Variants in PRKDC observed in about 807,000 individuals in gnomAD.
The protein encoded by PRKDC is DNA-dependent protein kinase catalytic subunit.
A neutral mutation model predicts 486.9 loss-of-function variants in PRKDC; 82 were observed. The observed-to-expected ratio is 0.17, with a 90% CI of 0.14 to 0.20. The LOEUF (loss-of-function observed/expected upper bound fraction) is 0.20, where lower values mean the gene tolerates loss of function less well. Among genes scored for constraint, PRKDC ranks in the 10% least tolerant of loss-of-function variants. The probability of loss-of-function intolerance (pLI) is 1.00; values close to 1 mark genes in which losing one functional copy is unlikely to be tolerated. For synonymous variants in PRKDC, 1,895 were observed against 1,837.0 expected, an observed-to-expected ratio of 1.03 and a Z score of -0.81; for missense variants, 4,504 against 5,038.2, an observed-to-expected ratio of 0.89 and a Z score of 3.21.
chr8:47,879,678 T>A lies in PRKDC; in HGVS notation c.5068-20A>T, dbSNP rs1372445165. 1.3e-6 allele frequency: 2 copies of A among 1,515,754 alleles called. No homozygotes were observed. The highest frequency in any genetic ancestry group is 2.8e-5 in the African/African-American group (2 of 70,394). 93.9% of individuals were successfully genotyped at this position (1,515,754 alleles called of 1,614,324 possible). A position where few individuals can be genotyped will look rare whatever the true frequency, so the allele number is the denominator to read the frequency against. On this transcript the variant is annotated intron_variant, in intron 38 of 85. Transcript: ENST00000314191. Reference sequence around the variant, plus strand: ...TTGGCCCTGTGGAGCAAGACAGACATAAGAAACTGCACGAATTATGGCTTA... The same window carrying A: ...TTGGCCCTGTGGAGCAAGACAGACAAAAGAAACTGCACGAATTATGGCTTA...
At chr8:47,904,149 C>G (rs1480704383) in intron 26 of PRKDC, among the ~76,000 whole-genome samples, 1 of 152,208 alleles carries the variant, frequency 6.6e-6, no homozygotes, top group Non-Finnish European at 1.5e-5. Flanking sequence ...TAAGACAATG[C>G]TTCTCCGTGT....
At chr8:47,822,113 A>C (rs548671830) in intron 64 of PRKDC, among the ~76,000 whole-genome samples, 1 of 152,180 alleles carries the variant, frequency 6.6e-6, no homozygotes, top group African/African-American at 2.4e-5. Flanking sequence ...CCTACAAAAA[A>C]CGCAAAAACT....
chr8:47,821,523 G>A lies in PRKDC; in HGVS notation c.9111+81C>T, dbSNP rs1013103114. 8 of 1,396,764 alleles carry A rather than the reference G, an allele frequency of 5.7e-6. No homozygotes were observed. The African/African-American group carries it at 1.2e-4, about 20-fold the overall frequency. The allele number at this position is 1,396,764 out of a possible 1,614,324, so 86.5% of individuals were successfully genotyped here. A position where few individuals can be genotyped will look rare whatever the true frequency, so the allele number is the denominator to read the frequency against. The stretch of plus-strand genomic sequence containing the variant: ...TGCTTCACAAGTACTACCTGTTTTT[G>A]AAATGTTTTAAACAATTTTGTTAAG... On this transcript the variant is annotated intron_variant, in intron 65 of 85. Transcript: ENST00000314191.
intron 60 of PRKDC, among the ~76,000 whole-genome samples, 152 bp downstream of exon 60, chr8:47,831,662 G>T (rs554050934): frequency 6.6e-6 from 1 of 152,310 alleles, no homozygotes; most frequent in African/African-American, 2.4e-5. Context: ...GCATCCCTGT[G>T]GGGGAGCCCC....
Position 47,895,183 on chromosome 8 carries a change from G to C in PRKDC, c.3599-1796C>G, listed in dbSNP as rs185493708. On this transcript the variant is annotated intron_variant, in intron 30 of 85. Transcript: ENST00000314191. ...TCGTGTCCAGCCCGGACAACATAGT[G>C]AGACTTTGTCTCTAAAACTGAAAAG... Among the ~76,000 whole-genome samples, 22 of 152,246 alleles carry C rather than the reference G, an allele frequency of 1.4e-4. No individual in the cohort carries two copies. The East Asian group carries it at 4.1e-3, about 28-fold the overall frequency.
chr8:47,820,148 C>T (rs944702914), intron 66 of PRKDC, among the ~76,000 whole-genome samples: 1 of 152,182 alleles, frequency 6.6e-6, no homozygotes, highest in African/African-American at 2.4e-5. Context: ...AGCGTTGGCT[C>T]ACGTCTGTAA....
intron 21 of PRKDC, among the ~76,000 whole-genome samples, chr8:47,926,559 C>G (rs1270465954): frequency 6.6e-6 from 1 of 152,114 alleles, no homozygotes; most frequent in Non-Finnish European, 1.5e-5. Flanking sequence ...TTCAGTCTTT[C>G]TCCCAACAGA....
chr8:47,922,075 C>A (rs994709489), intron 21 of PRKDC, among the ~76,000 whole-genome samples: 5 of 151,916 alleles, frequency 3.3e-5, no homozygotes, highest in African/African-American at 1.2e-4. Context: ...GCCACTGCAC[C>A]CAGCCTGATT....
intron 10 of PRKDC, among the ~76,000 whole-genome samples, chr8:47,941,423 G>A (rs1042215916): frequency 6.6e-6 from 1 of 152,136 alleles, no homozygotes; most frequent in African/African-American, 2.4e-5. Flanking sequence ...GGAGCTTTGG[G>A]TCACACAGCA....
intron 4 of PRKDC, among the ~76,000 whole-genome samples, chr8:47,955,243 A>T (rs1189418769): frequency 6.6e-6 from 1 of 151,612 alleles, no homozygotes; most frequent in Non-Finnish European, 1.5e-5. Flanking sequence ...CGGGCGGATC[A>T]CGAGGTCAGG....
At chr8:47,932,696 C>T (rs2090277659) in intron 16 of PRKDC, among the ~76,000 whole-genome samples, 1 of 152,144 alleles carries the variant, frequency 6.6e-6, no homozygotes. Context: ...GTTTCCCTAT[C>T]CCATACAAAG....
chr8:47,878,408 A>G (rs1013949484), intron 39 of PRKDC, among the ~76,000 whole-genome samples: 3 of 152,016 alleles, frequency 2.0e-5, no homozygotes, highest in East Asian at 1.9e-4. Context: ...CCTAGCCCCT[A>G]TTCTTTTTAG....
chr8:47,879,599 T>C lies in PRKDC; in HGVS notation c.5127A>G (p.Glu1709=). The C allele has an allele frequency of 6.3e-7, 1 of 1,593,800 alleles. No individual in the cohort carries two copies. Among genetic ancestry groups the C allele is most frequent in the Non-Finnish European group, 8.5e-7 (1 of 1,170,572 alleles). Residue 1709 remains glutamate, a synonymous_variant, in exon 39 of 86, where the codon GAA becomes GAG. Coordinates refer to ENST00000314191, the MANE Select transcript of PRKDC (RefSeq NM_006904.7). ...TGAGCTGCTCCAGAACACGTCTAAG[T>C]TCCTCCAGACTGCCTCCAGTGAGGC... The part of the protein sequence containing the change: ...FTSLTGGSLE[E]LRRVLEQLIV...
chr8:47,937,572 A>G (rs1563813070), intron 11 of PRKDC, among the ~76,000 whole-genome samples: 1 of 152,176 alleles, frequency 6.6e-6, no homozygotes, highest in African/African-American at 2.4e-5. Flanking sequence ...GACTTTTCCA[A>G]GGCTTCTTTT....
chr8:47,800,035 A>G (rs930231816), intron 71 of PRKDC, among the ~76,000 whole-genome samples: 5 of 152,236 alleles, frequency 3.3e-5, no homozygotes, highest in South Asian at 2.1e-4. Context: ...GTGTCATTCA[A>G]ATAAATAGGA....
At chr8:47,910,732 G>A (rs1311191987) in intron 25 of PRKDC, among the ~76,000 whole-genome samples, 2 of 152,042 alleles carry the variant, frequency 1.3e-5, no homozygotes, top group Admixed American at 6.6e-5. Context: ...TTGGGGAAAC[G>A]ACGTTTTTTT....
intron 65 of PRKDC, 108 bp from the exon 66 acceptor site, chr8:47,821,051 A>C: frequency 1.5e-6 from 1 of 666,564 alleles, no homozygotes; most frequent in East Asian, 3.0e-5. Flanking sequence ...TCAAGATTTA[A>C]AGTCAAAGCG....
intron 54 of PRKDC, among the ~76,000 whole-genome samples, chr8:47,843,791 A>G (rs1031945906): frequency 5.3e-5 from 8 of 152,204 alleles, no homozygotes; most frequent in Admixed American, 3.3e-4. Flanking sequence ...ATATCCTGCC[A>G]AACTAAGTTT....
At chr8:47,827,974 A>T (rs931237034) in intron 62 of PRKDC, among the ~76,000 whole-genome samples, 194 bp downstream of exon 62, 16 of 152,192 alleles carry the variant, frequency 1.1e-4, no homozygotes, top group African/African-American at 2.9e-4. Flanking sequence ...TTATTCTGTC[A>T]CATATCGGTT....
Sources: gnomAD v4.1 joint callset for allele counts (sites outside exome capture counted in the v4.1 genomes callset) on GRCh38, gnomAD v4.1.1 for gene constraint, MANE v1.5 for transcripts, NCBI Gene and HGNC (gene_info 2026-07-23, HGNC 2026-07-21) for gene names.